SLC25A12: variants seen among roughly 807,000 people sequenced by gnomAD.
SLC25A12 encodes electrogenic aspartate/glutamate antiporter SLC25A12, mitochondrial.
A neutral mutation model predicts 83.3 loss-of-function variants in SLC25A12; 32 were observed. The ratio of observed to expected loss-of-function variants is 0.38; its 90% CI spans 0.29 to 0.52. SLC25A12 has a LOEUF of 0.52. Among genes scored for constraint, SLC25A12 ranks in the 20% least tolerant of loss-of-function variants. The pLI, the probability that SLC25A12 is intolerant of heterozygous loss-of-function variation, is 0.84. For synonymous variants in SLC25A12, 267 were observed against 291.1 expected (o/e 0.92, Z 0.84); for missense variants, 611 against 835.6 (o/e 0.73, Z 3.31).
intron 9 of SLC25A12, among the ~76,000 whole-genome samples, chr2:171,816,491 C>T (rs1046029763): frequency 1.3e-5 from 2 of 152,132 alleles, no homozygotes; most frequent in East Asian, 1.9e-4. Flanking sequence ...ATCATCTCTA[C>T]ATTACTTCTA....
At chr2:171,884,758 A>G (rs1251454414) in intron 2 of SLC25A12, among the ~76,000 whole-genome samples, 1 of 151,494 alleles carries the variant, frequency 6.6e-6, no homozygotes, top group Non-Finnish European at 1.5e-5. Flanking sequence ...CTGGGCAACA[A>G]GAGCAAAACT....
At chr2:171,810,142 A>G in intron 12 of SLC25A12, 82 bp downstream of exon 12, 7 of 1,193,654 alleles carry the variant, frequency 5.9e-6, no homozygotes, top group South Asian at 1.2e-5. Context: ...GGCATGAGCT[A>G]CCACGCCTAG....
intron 2 of SLC25A12, among the ~76,000 whole-genome samples, chr2:171,888,020 C>T (rs1253812670): frequency 6.6e-6 from 1 of 151,992 alleles, no homozygotes; most frequent in Admixed American, 6.6e-5. Flanking sequence ...TATGAACTCC[C>T]ACACCAATTC....
chr2:171,815,107 G>T lies in SLC25A12; in HGVS notation c.1012+14C>A. 2 of 1,606,582 alleles carry T rather than the reference G, an allele frequency of 1.2e-6. No individual in the cohort carries two copies. The highest frequency in any genetic ancestry group is 1.1e-5 in the South Asian group (1 of 90,918). ...TAACACAAGCCTCAAACAGCACACA[G>T]ACATGTCACTCACCTCCAGCAACTG... is the stretch of plus-strand genomic sequence containing the variant. On this transcript the variant is annotated intron_variant, in intron 10 of 17. Transcript: ENST00000422440.
intron 3 of SLC25A12, among the ~76,000 whole-genome samples, chr2:171,867,129 G>C (rs1685344724): frequency 6.6e-6 from 1 of 151,786 alleles, no homozygotes. Context: ...GCCGGGCAGA[G>C]ACGCTCCTCA....
intron 4 of SLC25A12, among the ~76,000 whole-genome samples, chr2:171,850,611 C>A (rs538885063): frequency 9.9e-5 from 15 of 151,848 alleles, no homozygotes; most frequent in African/African-American, 3.6e-4. Flanking sequence ...GTGATCCACC[C>A]GCCTCGGCCT....
intron 3 of SLC25A12, among the ~76,000 whole-genome samples, chr2:171,857,534 A>G (rs888127096): frequency 5.9e-5 from 9 of 151,768 alleles, no homozygotes; most frequent in African/African-American, 2.2e-4. Flanking sequence ...AAAATACAAA[A>G]ATTAGCCAGG....
At chr2:171,803,829 ACACG>A (rs746530350) in intron 13 of SLC25A12, among the ~76,000 whole-genome samples, 6,080 of 134,328 alleles carry the variant, frequency 0.045, 189 homozygotes, top group African/African-American at 0.09. Flanking sequence ...ACACACACAC[ACACG>A]CGCGCACACA....
chr2:171,863,322 G>A (rs527609428), intron 3 of SLC25A12, among the ~76,000 whole-genome samples: 1 of 152,156 alleles, frequency 6.6e-6, no homozygotes, highest in East Asian at 1.9e-4. Flanking sequence ...TCAGGAGTTC[G>A]AGACAACAAG....
intron 8 of SLC25A12, among the ~76,000 whole-genome samples, chr2:171,828,537 T>C (rs928548222): frequency 1.3e-5 from 2 of 152,224 alleles, no homozygotes; most frequent in Non-Finnish European, 2.9e-5. Flanking sequence ...CATCACCAGA[T>C]TATTTTTATA....
At chr2:171,885,978 T>C (rs1558945797) in intron 2 of SLC25A12, among the ~76,000 whole-genome samples, 2 of 152,214 alleles carry the variant, frequency 1.3e-5, no homozygotes, top group Admixed American at 1.3e-4. Flanking sequence ...CTAGTATTTA[T>C]CCTTTCATAA....
intron 13 of SLC25A12, among the ~76,000 whole-genome samples, chr2:171,807,612 C>A (rs1381654052): frequency 1.3e-5 from 2 of 152,080 alleles, no homozygotes; most frequent in African/African-American, 4.8e-5. Flanking sequence ...AGCTTCTTAA[C>A]CAAACAGAAA....
chr2:171,829,664 G>T (rs937052271), intron 8 of SLC25A12, among the ~76,000 whole-genome samples: 1 of 152,174 alleles, frequency 6.6e-6, no homozygotes, highest in Non-Finnish European at 1.5e-5. Context: ...TAAAGAAAAA[G>T]CTAGGAAGCT....
chr2:171,793,876 G>A, intron 13 of SLC25A12, 109 bp from the exon 14 acceptor site: 1 of 1,289,392 alleles, frequency 7.8e-7, no homozygotes. Flanking sequence ...TGAAAAGAAG[G>A]AGGTGAAACT....
chr2:171,880,678 T>C (rs1022465445), intron 2 of SLC25A12, among the ~76,000 whole-genome samples: 4 of 152,228 alleles, frequency 2.6e-5, no homozygotes, highest in South Asian at 4.1e-4. Flanking sequence ...GTTTGCATAG[T>C]TCCCAATAGT....
intron 2 of SLC25A12, among the ~76,000 whole-genome samples, chr2:171,890,505 C>A (rs1685908931): frequency 6.7e-6 from 1 of 150,168 alleles, no homozygotes; most frequent in African/African-American, 2.4e-5. Flanking sequence ...GTGTGTGTAA[C>A]AAGGTCTTGC....
chr2:171,888,634 G>T (rs1314092781), intron 2 of SLC25A12, among the ~76,000 whole-genome samples: 1 of 146,890 alleles, frequency 6.8e-6, no homozygotes, highest in African/African-American at 2.5e-5. Context: ...ATAGAGACAG[G>T]GTTTCACCAT....
intron 4 of SLC25A12, among the ~76,000 whole-genome samples, chr2:171,846,362 T>C (rs1356861961): frequency 6.6e-6 from 1 of 152,112 alleles, no homozygotes; most frequent in African/African-American, 2.4e-5. Context: ...AATAAATGTA[T>C]ATATTACTAC....
intron 13 of SLC25A12, among the ~76,000 whole-genome samples, chr2:171,799,573 G>A (rs1683666920): frequency 1.3e-5 from 2 of 152,190 alleles, no homozygotes; most frequent in Admixed American, 6.5e-5. Context: ...TGAAGGGAGG[G>A]TGTGTGTATG....
Sources: allele counts gnomAD v4.1 joint callset (sites outside exome capture counted in the v4.1 genomes callset), GRCh38; gene constraint gnomAD v4.1.1; transcripts MANE v1.5; gene names NCBI Gene and HGNC (gene_info 2026-07-23, HGNC 2026-07-21).